The following MEF2C variants were observed in gnomAD, a reference collection of about 807,000 sequenced individuals.
MEF2C encodes the protein myocyte-specific enhancer factor 2C.
Under a neutral mutation model 50.5 loss-of-function variants are expected in MEF2C, and 6 were observed. That is an observed-to-expected ratio of 0.12 (90% CI 0.07 to 0.23). The LOEUF (loss-of-function observed/expected upper bound fraction) is 0.23, where lower values mean the gene tolerates loss of function less well. MEF2C is among the 10% of genes least tolerant of loss of function. The pLI, the probability that MEF2C is intolerant of heterozygous loss-of-function variation, is 1.00. For missense variants in MEF2C, 276 were observed against 605.0 expected (o/e 0.46, Z 5.70); for synonymous variants, 183 against 228.0 (o/e 0.80, Z 1.78).
chr5:88,848,828 T>C (rs1237026265), intron 1 of MEF2C, among the ~76,000 whole-genome samples: 1 of 152,110 alleles, frequency 6.6e-6, no homozygotes, highest in Non-Finnish European at 1.5e-5. Context: ...GACACAAAGA[T>C]TCTTCAATAT....
At position 88,737,677 on chromosome 5, in the gene MEF2C, A is replaced by G. The variant is rs145730761; in HGVS notation, c.638-5776T>C. On this transcript the variant is annotated intron_variant, in intron 6 of 10. Coordinates refer to ENST00000504921, the MANE Select transcript of MEF2C (RefSeq NM_002397.5). Reference sequence around the variant, plus strand: ...GATGGTTCAGAGAGAGGCTTTGCGGAGAGAAGGAATGCAGGACAGAGAGAT... The same window carrying G: ...GATGGTTCAGAGAGAGGCTTTGCGGGGAGAAGGAATGCAGGACAGAGAGAT... The G allele has an allele frequency of 3.3e-5, 33 of 985,406 alleles. No homozygotes were observed. The East Asian group carries it at 3.6e-3, about 108-fold the overall frequency. 61.0% of individuals were successfully genotyped at this position (985,406 alleles called of 1,614,324 possible). A position where few individuals can be genotyped will look rare whatever the true frequency, so the allele number is the denominator to read the frequency against.
chr5:88,847,433 G>A (rs930469651), intron 1 of MEF2C, among the ~76,000 whole-genome samples: 3 of 152,102 alleles, frequency 2.0e-5, no homozygotes, highest in Non-Finnish European at 2.9e-5. Flanking sequence ...TGGAAATTTA[G>A]CAATTTCAAT....
chr5:88,876,779 C>T (rs1167234510), intron 1 of MEF2C, among the ~76,000 whole-genome samples: 4 of 152,020 alleles, frequency 2.6e-5, no homozygotes, highest in East Asian at 1.9e-4. Context: ...CACATTCTAT[C>T]GAAGGACCAT....
At position 88,874,010 on chromosome 5, in the gene MEF2C, AC is replaced by A. The variant is rs1217611388; in HGVS notation, c.-143+8944del. ...AAGGGTGAAAAGATCTACTTTTTTA[AC>A]CACATAAACCTTTACAAAAAGACCA... On this transcript the variant is annotated intron_variant, in intron 1 of 10. Coordinates refer to ENST00000504921, the MANE Select transcript of MEF2C (RefSeq NM_002397.5). 5.3e-5 allele frequency among the ~76,000 whole-genome samples: 8 copies of A among 151,994 alleles called. No homozygotes were observed. In the East Asian group the frequency reaches 1.5e-3, roughly 29 times the overall value.
rs1819259534 is a variant in MEF2C, at chr5:88,846,140, C to CA, written c.-142-22211_-142-22210insT. Among the ~76,000 whole-genome samples, 3 of 148,656 alleles carry CA rather than the reference C, an allele frequency of 2.0e-5. No homozygotes were observed. In the South Asian group the frequency reaches 6.5e-4, roughly 32 times the overall value. ...TGGAGTGCGGTGGCGCAATCTCAGC[C>CA]CACTGCAACCTCCACCTCCCGGGTT... On this transcript the variant is annotated intron_variant, in intron 1 of 10. Coordinates refer to ENST00000504921, the MANE Select transcript of MEF2C (RefSeq NM_002397.5).
At chr5:88,857,053 G>A (rs1823679380) in intron 1 of MEF2C, among the ~76,000 whole-genome samples, 1 of 151,918 alleles carries the variant, frequency 6.6e-6, no homozygotes, top group South Asian at 2.1e-4. Flanking sequence ...AGCCAGGATT[G>A]GGGGGCTGGG....
At chr5:88,814,844 T>C (rs1804594018) in intron 2 of MEF2C, among the ~76,000 whole-genome samples, 2 of 152,160 alleles carry the variant, frequency 1.3e-5, no homozygotes, top group African/African-American at 2.4e-5. Flanking sequence ...TGCATTTGTC[T>C]GCATGAGGAA....
At chr5:88,723,191 A>T (rs1008339018) in intron 10 of MEF2C, among the ~76,000 whole-genome samples, 1 of 152,180 alleles carries the variant, frequency 6.6e-6, no homozygotes, top group East Asian at 1.9e-4. Context: ...CTCCCTAAAC[A>T]TATAGGTTAC....
Position 88,719,207 on chromosome 5 carries a change from T to C in MEF2C, c.*3397A>G, listed in dbSNP as rs1299204118. On this transcript the variant is annotated 3_prime_UTR_variant, in exon 11 of 11. Transcript: ENST00000504921. ...TCTTTTAAAAAGTGTCTTGGAATTT[T>C]GTTTTTTCATTCTCACTTTAGTTAA... 6.6e-6 allele frequency: 1 copy of C among 152,216 alleles called. No homozygotes were observed. Among genetic ancestry groups the C allele is most frequent in the African/African-American group, 2.4e-5 (1 of 41,460 alleles). The allele number at this position is 152,216 out of a possible 1,614,324, so 9.4% of individuals were successfully genotyped here. A position where few individuals can be genotyped will look rare whatever the true frequency, so the allele number is the denominator to read the frequency against.
chr5:88,804,826 T>C (rs764761324), intron 2 of MEF2C, 25 bp from the exon 3 acceptor site: 1 of 1,597,568 alleles, frequency 6.3e-7, no homozygotes, highest in Admixed American at 1.7e-5. Context: ...GCAGCCAAGA[T>C]TTTTTAAAAA....
intron 1 of MEF2C, among the ~76,000 whole-genome samples, chr5:88,902,094 C>G (rs1835721119): frequency 6.6e-6 from 1 of 151,624 alleles, no homozygotes; most frequent in Non-Finnish European, 1.5e-5. Context: ...TTTGCAGTAA[C>G]TATCATCTTT....
At chr5:88,795,982 G>T (rs1351013445) in intron 3 of MEF2C, among the ~76,000 whole-genome samples, 1 of 152,156 alleles carries the variant, frequency 6.6e-6, no homozygotes, top group African/African-American at 2.4e-5. Flanking sequence ...GCATCCCAGG[G>T]ATGAAGCTGA....
chr5:88,870,726 T>G (rs1671158299), intron 1 of MEF2C, among the ~76,000 whole-genome samples: 1 of 152,086 alleles, frequency 6.6e-6, no homozygotes, highest in African/African-American at 2.4e-5. Flanking sequence ...ACTCCGGTTT[T>G]GGGTTATTTC....
At chr5:88,730,319 A>ATCT in intron 7 of MEF2C, 85 bp from the exon 8 acceptor site, 1 of 1,389,972 alleles carries the variant, frequency 7.2e-7, no homozygotes, top group African/African-American at 1.4e-5. Context: ...AAGGAAAAGC[A>ATCT]TCTTCCGATA....
intron 10 of MEF2C, among the ~76,000 whole-genome samples, chr5:88,723,690 A>G (rs1476413989): frequency 1.3e-5 from 2 of 152,224 alleles, no homozygotes; most frequent in East Asian, 3.9e-4. Flanking sequence ...AATGACCTCA[A>G]TTTTATTAAT....
chr5:88,887,752 T>C (rs1257602238), upstream of MEF2C, among the ~76,000 whole-genome samples: 1 of 152,228 alleles, frequency 6.6e-6, no homozygotes, highest in Non-Finnish European at 1.5e-5. Context: ...ACTGAAATTG[T>C]CATGCATTGT....
At position 88,722,658 on chromosome 5, in the gene MEF2C, T is replaced by G. The variant is rs1385998887; in HGVS notation, c.1368A>C (p.Glu456Asp). The change falls in exon 11 of 11, where the codon GAA becomes GAC. Residue 456 changes from glutamate (E) to aspartate (D), a missense_variant. By Grantham distance (45) the Glu-to-Asp change is conservative (BLOSUM62 2). Transcript: ENST00000504921. Reference protein sequence around the residue: ...PIGLTRPSPDERESPSVKRMR... With the variant: ...PIGLTRPSPDDRESPSVKRMR... ...TGCGCTTGACTGAGGGACTTTCCCT[T>G]TCGTCCGGCGAAGGTCTGGTGAGTC... The G allele has an allele frequency of 2.5e-6, 4 of 1,613,778 alleles. No individual in the cohort carries two copies. In the African/African-American group the frequency reaches 4.0e-5, roughly 16 times the overall value.
intron 3 of MEF2C, among the ~76,000 whole-genome samples, chr5:88,790,730 TG>T (rs1373644695): frequency 6.6e-6 from 1 of 152,166 alleles, no homozygotes; most frequent in African/African-American, 2.4e-5. Context: ...AAGAAAAAAT[TG>T]TATATTTAAA....
intron 1 of MEF2C, chr5:88,824,158 T>C (rs1473651413): frequency 3.2e-6 from 3 of 941,014 alleles, no homozygotes; most frequent in Middle Eastern, 5.3e-4. Flanking sequence ...ACAAGTCATT[T>C]AAATGATGCA....
Sources: gnomAD v4.1 joint callset for allele counts (sites outside exome capture counted in the v4.1 genomes callset) on GRCh38, gnomAD v4.1.1 for gene constraint, MANE v1.5 for transcripts, NCBI Gene and HGNC (gene_info 2026-07-23, HGNC 2026-07-21) for gene names.